The following MRC1 variants were observed in gnomAD, a reference collection of about 807,000 sequenced individuals.
MRC1 encodes the protein mannose receptor C-type 1.
MRC1 carries 62 observed loss-of-function variants against 102.9 expected under a neutral mutation model. The observed-to-expected ratio is 0.60, with a 90% CI of 0.49 to 0.74. The LOEUF (loss-of-function observed/expected upper bound fraction) is 0.74, where lower values mean the gene tolerates loss of function less well. MRC1 is among the 30% of genes least tolerant of loss of function. The pLI is 0.00. For missense variants in MRC1, 1,237 were observed against 862.8 expected, an observed-to-expected ratio of 1.43 and a Z score of -5.43; for synonymous variants, 457 against 298.4, an observed-to-expected ratio of 1.53 and a Z score of -5.48.
At chr10:17,910,174 C>T in intron 29 of MRC1, 41 bp from the exon 30 acceptor site, 1 of 780,030 alleles carries the variant, frequency 1.3e-6, no homozygotes, top group South Asian at 1.3e-5. Flanking sequence ...CAACCCTCTG[C>T]CTCCCTCCAC....
At chr10:17,869,538 G>T (rs1188386749) in intron 12 of MRC1, among the ~76,000 whole-genome samples, 1 of 152,136 alleles carries the variant, frequency 6.6e-6, no homozygotes, top group East Asian at 1.9e-4. Flanking sequence ...TTTGCATACT[G>T]GTGGGTGTGT....
chr10:17,845,492 C>T, intron 6 of MRC1, 57 bp downstream of exon 6: 4 of 779,128 alleles, frequency 5.1e-6, no homozygotes, highest in South Asian at 2.7e-5. Context: ...AGATAAGTAA[C>T]ATTACAGCTT....
chr10:17,828,763 A>G (rs1043617252), intron 3 of MRC1, among the ~76,000 whole-genome samples: 6 of 151,532 alleles, frequency 4.0e-5, no homozygotes, highest in Non-Finnish European at 8.8e-5. Context: ...TATTGCAAGG[A>G]TGCAAAATAA....
At chr10:17,873,659 G>A in intron 15 of MRC1, 125 bp from the exon 16 acceptor site, 1 of 746,288 alleles carries the variant, frequency 1.3e-6, no homozygotes. Flanking sequence ...GAAAGAAAGG[G>A]AAGGGAAAAA....
At chr10:17,809,881 A>G (rs1227337501) in intron 1 of MRC1, among the ~76,000 whole-genome samples, 2 of 151,974 alleles carry the variant, frequency 1.3e-5, no homozygotes, top group African/African-American at 2.4e-5. Flanking sequence ...TTCAATTCAC[A>G]CTATTTCTGT....
Position 17,894,247 on chromosome 10 carries a change from A to T in MRC1, c.3185A>T (p.Glu1062Val), listed in dbSNP as rs1325029267. ...GTTATTATTGGAGGTGCATCAAATG[A>T]AGCAGGAAAATGGATGGATGATACC... is the stretch of plus-strand genomic sequence containing the variant. Reference protein sequence around the residue: ...CVVIIGGASNEAGKWMDDTCD... With the variant: ...CVVIIGGASNVAGKWMDDTCD... Residue 1062 changes from glutamate (E) to valine (V), a missense_variant, in exon 23 of 30, where the codon GAA becomes GTA. By Grantham distance (121) the Glu-to-Val change is moderately radical. Coordinates refer to ENST00000569591, the MANE Select transcript of MRC1 (RefSeq NM_002438.4). 51 of 872,566 alleles carry T rather than the reference A, an allele frequency of 5.8e-5. No homozygotes were observed. Among genetic ancestry groups the T allele is most frequent in the Non-Finnish European group, 9.6e-5 (48 of 501,520 alleles). 54.1% of individuals were successfully genotyped at this position (872,566 alleles called of 1,614,324 possible). A position where few individuals can be genotyped will look rare whatever the true frequency, so the allele number is the denominator to read the frequency against.
chr10:17,890,793 C>G (rs1017583486), intron 22 of MRC1, among the ~76,000 whole-genome samples: 1 of 152,168 alleles, frequency 6.6e-6, no homozygotes, highest in Non-Finnish European at 1.5e-5. Flanking sequence ...CAGATGGGTA[C>G]CAATCCATGG....
chr10:17,901,956 T>C lies in MRC1; in HGVS notation c.3650-17T>C. 1 of 780,828 alleles carries C rather than the reference T, an allele frequency of 1.3e-6. No individual in the cohort carries two copies. The highest frequency in any genetic ancestry group is 2.4e-6 in the Non-Finnish European group (1 of 417,948). The allele number at this position is 780,828 out of a possible 1,614,324, so 48.4% of individuals were successfully genotyped here. On this transcript the variant is annotated splice_polypyrimidine_tract_variant and intron_variant, in intron 25 of 29. Transcript: ENST00000569591. ...ACTTCAGGTTTTGCTTTATTTAAAA[T>C]GTGTTTTTATTAACAGAAATCCCTG...
At chr10:17,834,873 C>T (rs1176648903) in intron 4 of MRC1, among the ~76,000 whole-genome samples, 13 of 152,156 alleles carry the variant, frequency 8.5e-5, no homozygotes, top group Non-Finnish European at 1.8e-4. Context: ...AAAGCATCCC[C>T]GATTTCTTGC....
intron 5 of MRC1, 51 bp from the exon 6 acceptor site, chr10:17,845,238 C>G (rs1838808374): frequency 1.3e-6 from 1 of 780,746 alleles, no homozygotes; most frequent in Non-Finnish European, 2.4e-6. Context: ...GGGATGCTAT[C>G]TGCTGGGAAT....
In MRC1 at chr10:17,828,159, C is replaced by A. The variant is rs1034598653; in HGVS notation, c.637+444C>A. Among the ~76,000 whole-genome samples the A allele has an allele frequency of 1.1e-4, 17 of 152,310 alleles. No homozygotes were observed. The East Asian group carries it at 3.3e-3, about 29-fold the overall frequency. On this transcript the variant is annotated intron_variant, in intron 3 of 29. Coordinates refer to ENST00000569591, the MANE Select transcript of MRC1 (RefSeq NM_002438.4). The stretch of plus-strand genomic sequence containing the variant: ...TGGTGCGATCTCCACTCACTGCAAG[C>A]TCCGCCTCCCGAGTTCACGCCCTTC...
At chr10:17,903,827 G>A (rs1321083109) in intron 26 of MRC1, among the ~76,000 whole-genome samples, 4 of 152,154 alleles carry the variant, frequency 2.6e-5, no homozygotes, top group East Asian at 3.9e-4. Context: ...ATGGTGGTGG[G>A]TGCCTGCAAT....
chr10:17,846,964 GGGA>G (rs1554840273), intron 6 of MRC1, among the ~76,000 whole-genome samples: 2 of 152,282 alleles, frequency 1.3e-5, no homozygotes, highest in South Asian at 2.1e-4. Flanking sequence ...TGTTGGATTA[GGGA>G]GGAGATGTGT....
chr10:17,827,556 C>A lies in MRC1; in HGVS notation c.478C>A (p.Leu160Ile). The stretch of plus-strand genomic sequence containing the variant: ...TGTTTTTCCAGCCATGTATACGCTA[C>A]TAGGCAATGCCAATGGAGCAACCTG... ...SRGYEAMYTL[L>I]GNANGATCAF... The change falls in exon 3 of 30, where the codon CTA (leucine) becomes ATA (isoleucine). Residue 160 changes from leucine (L) to isoleucine (I), a missense_variant. Coordinates refer to ENST00000569591, the MANE Select transcript of MRC1 (RefSeq NM_002438.4). 1.3e-6 allele frequency: 1 copy of A among 780,844 alleles called. No homozygotes were observed. Among genetic ancestry groups the A allele is most frequent in the Admixed American group, 1.7e-5 (1 of 59,026 alleles). The allele number at this position is 780,844 out of a possible 1,614,324, so 48.4% of individuals were successfully genotyped here. A position where few individuals can be genotyped will look rare whatever the true frequency, so the allele number is the denominator to read the frequency against.
chr10:17,907,089 A>G, intron 27 of MRC1, 90 bp downstream of exon 27: 1 of 741,518 alleles, frequency 1.3e-6, no homozygotes, highest in Non-Finnish European at 2.5e-6. Context: ...GTTGCCTTAA[A>G]AATGATTAAT....
In MRC1 at chr10:17,849,683, A is replaced by G. The variant is rs1478715889; in HGVS notation, c.1168A>G (p.Thr390Ala). The G allele has an allele frequency of 3.8e-6, 3 of 780,968 alleles. No individual in the cohort carries two copies. In the East Asian group the frequency reaches 7.3e-5, roughly 19 times the overall value. 48.4% of individuals were successfully genotyped at this position (780,968 alleles called of 1,614,324 possible). ...AAAAATCCAGAGGGATGCTCTGACC[A>G]CCTGCAGGAAGGAAGGCGGTGACCT... ...EKKIQRDALT[T>A]CRKEGGDLTS... Residue 390 changes from threonine to alanine, a missense_variant, in exon 7 of 30, where the codon ACC becomes GCC. Thr to Ala is a moderately conservative substitution (Grantham distance 58, BLOSUM62 0). Coordinates refer to ENST00000569591, the MANE Select transcript of MRC1 (RefSeq NM_002438.4).
At chr10:17,812,690 G>C (rs1446545446) in intron 1 of MRC1, among the ~76,000 whole-genome samples, 1 of 149,136 alleles carries the variant, frequency 6.7e-6, no homozygotes, top group Non-Finnish European at 1.5e-5. Flanking sequence ...TCCTGCCTCA[G>C]CCTCCCGAGT....
At chr10:17,835,945 G>A (rs949682011) in intron 4 of MRC1, among the ~76,000 whole-genome samples, 1 of 152,230 alleles carries the variant, frequency 6.6e-6, no homozygotes, top group Non-Finnish European at 1.5e-5. Flanking sequence ...CACTGTGTTA[G>A]TTCCTGCTGT....
chr10:17,910,308 T>A lies in MRC1; in HGVS notation c.4214T>A (p.Leu1405His). The A allele has an allele frequency of 1.3e-6, 1 of 780,862 alleles. No individual in the cohort carries two copies. The highest frequency in any genetic ancestry group is 2.4e-6 in the Non-Finnish European group (1 of 417,954). The allele number at this position is 780,862 out of a possible 1,614,324, so 48.4% of individuals were successfully genotyped here. A position where few individuals can be genotyped will look rare whatever the true frequency, so the allele number is the denominator to read the frequency against. ...VILLILTGAGLAAYFFYKKRR... is the reference protein window; with the variant it reads ...VILLILTGAGHAAYFFYKKRR... The stretch of plus-strand genomic sequence containing the variant: ...CTCCTGATTTTAACGGGTGCTGGCC[T>A]TGCCGCCTATTTCTTTTATAAGAAA... The change falls in exon 30 of 30, where the codon CTT becomes CAT. Residue 1405 changes from leucine (L) to histidine (H), a missense_variant. By Grantham distance (99) the Leu-to-His change is moderately conservative. Coordinates refer to ENST00000569591, the MANE Select transcript of MRC1 (RefSeq NM_002438.4).
Sources: gnomAD v4.1 joint callset for allele counts (sites outside exome capture counted in the v4.1 genomes callset) on GRCh38, gnomAD v4.1.1 for gene constraint, MANE v1.5 for transcripts, NCBI Gene and HGNC (gene_info 2026-07-23, HGNC 2026-07-21) for gene names.